The following RBFOX3 variants were observed in gnomAD, a reference collection of about 807,000 sequenced individuals.
RBFOX3 encodes RNA binding protein fox-1 homolog 3.
RBFOX3 carries 17 observed loss-of-function variants against 48.7 expected under a neutral mutation model. The ratio of observed to expected loss-of-function variants is 0.35; its 90% CI spans 0.24 to 0.52. The LOEUF is 0.52. RBFOX3 is among the 20% of genes least tolerant of loss of function. The pLI is 0.94. For missense variants in RBFOX3, 382 were observed against 497.5 expected (o/e 0.77, Z 2.21); for synonymous variants, 212 against 209.5 (o/e 1.01, Z -0.10).
At chr17:79,170,398 G>A (rs897621562) in intron 4 of RBFOX3, among the ~76,000 whole-genome samples, 2 of 152,080 alleles carry the variant, frequency 1.3e-5, no homozygotes, top group African/African-American at 2.4e-5. Context: ...GCCCAGCCTG[G>A]AGCCTGAGGG....
intron 4 of RBFOX3, among the ~76,000 whole-genome samples, chr17:79,144,685 C>T (rs538326092): frequency 1.3e-5 from 2 of 152,308 alleles, no homozygotes; most frequent in East Asian, 1.9e-4. Context: ...TGTCCCCGAA[C>T]GCCGAGTGCC....
In RBFOX3 at chr17:79,097,348, G is replaced by C. The variant is rs758656116; in HGVS notation, c.699C>G (p.Ala233=). The C allele has an allele frequency of 6.5e-6, 10 of 1,548,634 alleles. No homozygotes were observed. In the Admixed American group the frequency reaches 7.9e-5, roughly 12 times the overall value. The part of the protein sequence containing the change: ...RGAHLRGRGR[A]VYNTFRAAPP... ...GCGCAGCCCGAAATGTATTATACAC[G>C]GCCCGGCCCCGGCCCCGAAGATGTG... is the stretch of plus-strand genomic sequence containing the variant. The change falls in exon 11 of 15, where the codon GCC becomes GCG. Residue 233 remains alanine, a synonymous_variant. Coordinates refer to ENST00000693108, the MANE Select transcript of RBFOX3 (RefSeq NM_001350451.2).
intron 1 of RBFOX3, among the ~76,000 whole-genome samples, chr17:79,524,719 A>C (rs1362130932): frequency 1.3e-5 from 2 of 152,180 alleles, no homozygotes; most frequent in Non-Finnish European, 2.9e-5. Flanking sequence ...CGGGCACTGC[A>C]TCTTCCAGCA....
the RBFOX3 span, among the ~76,000 whole-genome samples, chr17:79,621,320 C>T: frequency 6.6e-6 from 1 of 152,102 alleles, no homozygotes; most frequent in Non-Finnish European, 1.5e-5. Flanking sequence ...TTGTATTATC[C>T]CAAAGTTGAA....
rs192151400 is a variant in RBFOX3, at chr17:79,196,112, G to C, written c.-34+39654C>G. Among the ~76,000 whole-genome samples, 354 of 152,304 alleles carry C rather than the reference G, an allele frequency of 2.3e-3. 11 individuals carry two copies. The highest frequency in any genetic ancestry group is 0.019 in the Admixed American group (286 of 15,302). Reference sequence around the variant, plus strand: ...GATGGAGAAGCTGAAACCCAGGGTAGAGGAGTGTCCCAAGATGGGAAGTGG... The same window carrying C: ...GATGGAGAAGCTGAAACCCAGGGTACAGGAGTGTCCCAAGATGGGAAGTGG... On this transcript the variant is annotated intron_variant, in intron 4 of 14. Transcript: ENST00000693108.
intron 2 of RBFOX3, among the ~76,000 whole-genome samples, chr17:79,319,780 A>ATGTCTGGGCTGTTGGTCC (rs1243867050): frequency 9.7e-6 from 1 of 102,622 alleles, no homozygotes; most frequent in Non-Finnish European, 1.9e-5. Flanking sequence ...CTGCTGGTCT[A>ATGTCTGGGCTGTTGGTCC]TGTCTGGGCT....
intron 1 of RBFOX3, among the ~76,000 whole-genome samples, chr17:79,498,332 T>A (rs1231849356): frequency 6.6e-6 from 1 of 152,082 alleles, no homozygotes; most frequent in African/African-American, 2.4e-5. Flanking sequence ...GGGGAAGACC[T>A]CCCAAAACCA....
At chr17:79,188,306 A>G (rs889963194) in intron 4 of RBFOX3, among the ~76,000 whole-genome samples, 6 of 152,102 alleles carry the variant, frequency 3.9e-5, no homozygotes, top group African/African-American at 1.4e-4. Context: ...GCCAGCACTC[A>G]CCTTCCGGCT....
chr17:79,125,873 C>T (rs1235109730), intron 4 of RBFOX3, among the ~76,000 whole-genome samples: 1 of 152,232 alleles, frequency 6.6e-6, no homozygotes. Context: ...GAACGCCAGG[C>T]CCCATCCGCC....
chr17:79,490,932 T>A (rs921431821), intron 1 of RBFOX3, among the ~76,000 whole-genome samples: 1 of 147,718 alleles, frequency 6.8e-6, no homozygotes, highest in African/African-American at 2.5e-5. Context: ...TAGAGAGACA[T>A]GGGTGACGGG....
chr17:79,484,507 G>A (rs2079244933), intron 1 of RBFOX3, among the ~76,000 whole-genome samples: 1 of 66,552 alleles, frequency 1.5e-5, no homozygotes, highest in South Asian at 5.7e-4. Context: ...TGGGTGCAGG[G>A]GGCCTGGGTG....
At chr17:79,620,615 ACACG>A in the RBFOX3 span, among the ~76,000 whole-genome samples, 11 of 129,880 alleles carry the variant, frequency 8.5e-5, no homozygotes, top group African/African-American at 3.0e-4. Context: ...ACACATGCAC[ACACG>A]CACATGCACA....
At chr17:79,599,622 G>A (rs2093656224) in intron 1 of RBFOX3, 1 of 152,302 alleles carries the variant, frequency 6.6e-6, no homozygotes, top group African/African-American at 2.4e-5. Flanking sequence ...GCAGGTTGGT[G>A]CCGGGAGAGC....
intron 4 of RBFOX3, among the ~76,000 whole-genome samples, chr17:79,150,860 C>T (rs565924427): frequency 1.7e-3 from 262 of 152,326 alleles, no homozygotes; most frequent in African/African-American, 6.1e-3. Flanking sequence ...GCCTCAGTGT[C>T]CCCGTGTGCG....
In RBFOX3 at chr17:79,195,812, A is replaced by G. The variant is rs1457922604; in HGVS notation, c.-34+39954T>C. Among the ~76,000 whole-genome samples the G allele has an allele frequency of 6.6e-6, 1 of 152,144 alleles. No homozygotes were observed. The highest frequency in any genetic ancestry group is 1.5e-5 in the Non-Finnish European group (1 of 68,022). ...CCTAACCTGTGACCTGTGCTAGGAG[A>G]AAGTGTCCTAGTGGCCAGCTCCCGT... On this transcript the variant is annotated intron_variant, in intron 4 of 14. Coordinates refer to ENST00000693108, the MANE Select transcript of RBFOX3 (RefSeq NM_001350451.2). The surrounding 1 kb of genome is among the most constrained non-coding windows in gnomAD (Gnocchi z 5.3).
intron 1 of RBFOX3, among the ~76,000 whole-genome samples, chr17:79,536,156 A>T (rs1316098702): frequency 1.4e-5 from 2 of 143,920 alleles, no homozygotes; most frequent in African/African-American, 5.4e-5. Flanking sequence ...AGCTTACTGC[A>T]ACCTCTGCCT....
At chr17:79,540,388 C>T (rs890594367) in intron 1 of RBFOX3, among the ~76,000 whole-genome samples, 2 of 152,226 alleles carry the variant, frequency 1.3e-5, no homozygotes, top group Non-Finnish European at 1.5e-5. Context: ...GACAAATGAA[C>T]GGCGGAGGCC....
intron 1 of RBFOX3, among the ~76,000 whole-genome samples, chr17:79,504,822 A>T (rs1319703952): frequency 6.6e-6 from 1 of 152,210 alleles, no homozygotes; most frequent in Non-Finnish European, 1.5e-5. Flanking sequence ...GGGCATGACT[A>T]TCTTTTGGGG....
At chr17:79,445,206 G>GA (rs1555737443) in intron 2 of RBFOX3, among the ~76,000 whole-genome samples, 1 of 152,190 alleles carries the variant, frequency 6.6e-6, no homozygotes, top group Non-Finnish European at 1.5e-5. Context: ...GCGCTGCTGG[G>GA]AACACGGGTA....
Sources: allele counts gnomAD v4.1 joint callset (sites outside exome capture counted in the v4.1 genomes callset), GRCh38; gene constraint gnomAD v4.1.1; non-coding constraint Gnocchi (gnomAD v3.1); transcripts MANE v1.5; gene names NCBI Gene and HGNC (gene_info 2026-07-23, HGNC 2026-07-21).